Variants in BMPER observed in about 807,000 individuals in gnomAD.
BMPER encodes the protein BMP binding endothelial regulator.
BMPER carries 45 observed loss-of-function variants against 87.3 expected under a neutral mutation model. The ratio of observed to expected loss-of-function variants is 0.52; its 90% CI spans 0.41 to 0.66. The LOEUF (loss-of-function observed/expected upper bound fraction) is 0.66, where lower values mean the gene tolerates loss of function less well. Among genes scored for constraint, BMPER ranks in the 30% least tolerant of loss-of-function variants. The probability of loss-of-function intolerance (pLI) is 0.00; values close to 1 mark genes in which losing one functional copy is unlikely to be tolerated. For synonymous variants in BMPER, 326 were observed against 316.2 expected (o/e 1.03, Z -0.33); for missense variants, 784 against 867.5 (o/e 0.90, Z 1.21).
At chr7:34,047,836 T>TTCCTTCCTTCCTTCC (rs1422905500) in intron 7 of BMPER, among the ~76,000 whole-genome samples, 1 of 149,646 alleles carries the variant, frequency 6.7e-6, no homozygotes. Flanking sequence ...ACTTTCTTGC[T>TTCCTTCCTTCCTTCC]TTCTTTCTCT....
intron 3 of BMPER, among the ~76,000 whole-genome samples, chr7:33,938,033 T>G (rs190111424): frequency 1.7e-4 from 26 of 152,224 alleles, no homozygotes; most frequent in Admixed American, 5.2e-4. Flanking sequence ...GTGCTCAAGG[T>G]GCTCAGCCCT....
At chr7:34,121,000 C>T (rs1474354570) in intron 13 of BMPER, among the ~76,000 whole-genome samples, 3 of 150,450 alleles carry the variant, frequency 2.0e-5, no homozygotes, top group Non-Finnish European at 3.0e-5. Context: ...ATTAGCTATT[C>T]GTAGGTAATA....
At chr7:33,953,413 A>G (rs1785074233) in intron 3 of BMPER, among the ~76,000 whole-genome samples, 2 of 152,318 alleles carry the variant, frequency 1.3e-5, no homozygotes, top group South Asian at 2.1e-4. Flanking sequence ...TGACTCTGCC[A>G]CTTCTAGTTA....
At chr7:34,151,182 T>C (rs1274314469) in intron 14 of BMPER, among the ~76,000 whole-genome samples, 2 of 152,032 alleles carry the variant, frequency 1.3e-5, no homozygotes, top group Admixed American at 1.3e-4. Context: ...AAAGAGGGGG[T>C]AGAGGACAGA....
chr7:34,088,857 T>C (rs753915865), intron 13 of BMPER, among the ~76,000 whole-genome samples: 3 of 152,106 alleles, frequency 2.0e-5, no homozygotes, highest in Middle Eastern at 3.4e-3. Context: ...TTACATAAAC[T>C]CCCCCTGATG....
intron 6 of BMPER, among the ~76,000 whole-genome samples, chr7:34,014,998 G>A (rs951727952): frequency 1.3e-5 from 2 of 151,836 alleles, no homozygotes; most frequent in Non-Finnish European, 2.9e-5. Flanking sequence ...CTTCTAGGGG[G>A]GAGGCTGAAT....
At position 34,153,409 on chromosome 7, in the gene BMPER, T is replaced by A. The variant is rs972913949; in HGVS notation, c.*136T>A. ...CAGAGTATATATGTGTATATATATA[T>A]AGATATATTCAAAAACATTGCATCA... is the stretch of plus-strand genomic sequence containing the variant. On this transcript the variant is annotated 3_prime_UTR_variant, in exon 15 of 15. Transcript: ENST00000649409. 4.9e-6 allele frequency: 4 copies of A among 808,376 alleles called. No homozygotes were observed. In the Admixed American group the frequency reaches 7.4e-5, roughly 15 times the overall value. The allele number at this position is 808,376 out of a possible 1,614,324, so 50.1% of individuals were successfully genotyped here.
chr7:34,001,372 A>G (rs1786575435), intron 6 of BMPER, among the ~76,000 whole-genome samples: 1 of 151,814 alleles, frequency 6.6e-6, no homozygotes, highest in South Asian at 2.1e-4. Context: ...GTCTATTCAG[A>G]TATTTAAAAT....
At chr7:33,991,036 T>A (rs1786198776) in intron 6 of BMPER, among the ~76,000 whole-genome samples, 1 of 145,254 alleles carries the variant, frequency 6.9e-6, no homozygotes, top group Non-Finnish European at 1.5e-5. Context: ...TATTGAGGAT[T>A]TTTGCATCAA....
chr7:34,129,630 G>GAGAAGGAAAGAA (rs1790515320), intron 13 of BMPER, among the ~76,000 whole-genome samples: 1 of 56,272 alleles, frequency 1.8e-5, no homozygotes, highest in Non-Finnish European at 3.5e-5. Context: ...GAGAGAAAGA[G>GAGAAGGAAAGAA]AGAAAGAAAG....
chr7:33,948,361 G>A (rs1344056775), intron 3 of BMPER, among the ~76,000 whole-genome samples: 3 of 152,210 alleles, frequency 2.0e-5, no homozygotes, highest in Non-Finnish European at 4.4e-5. Flanking sequence ...ACCTGAGGTG[G>A]TGGTGATTAC....
At chr7:34,075,213 A>G (rs1469897242) in intron 11 of BMPER, among the ~76,000 whole-genome samples, 2 of 152,044 alleles carry the variant, frequency 1.3e-5, no homozygotes, top group African/African-American at 4.8e-5. Flanking sequence ...TCTCATAGCA[A>G]TCTTATTAAG....
chr7:34,103,359 G>A lies in BMPER; in HGVS notation c.1745+17267G>A, dbSNP rs114891256. 3.6e-3 allele frequency among the ~76,000 whole-genome samples: 554 copies of A among 152,260 alleles called. 4 individuals are homozygous for A. Among genetic ancestry groups the A allele is most frequent in the African/African-American group, 0.012 (515 of 41,540 alleles). On this transcript the variant is annotated intron_variant, in intron 13 of 14. Transcript: ENST00000649409. ...GACCTGTGGCTGTCAAACTTCACCA[G>A]GCATCACATTTATCAGTAGAATCTA... is the stretch of plus-strand genomic sequence containing the variant.
chr7:34,087,802 T>A (rs753026427), intron 13 of BMPER, among the ~76,000 whole-genome samples: 1 of 152,202 alleles, frequency 6.6e-6, no homozygotes, highest in Non-Finnish European at 1.5e-5. Context: ...ACACCTTTGA[T>A]TTTTATCCCA....
At chr7:34,139,528 A>C (rs1481155817) in intron 13 of BMPER, among the ~76,000 whole-genome samples, 1 of 152,228 alleles carries the variant, frequency 6.6e-6, no homozygotes, top group Non-Finnish European at 1.5e-5. Flanking sequence ...TTGGGTTTCT[A>C]TTGTAACAGA....
chr7:33,944,497 T>C (rs2128611466), intron 3 of BMPER, among the ~76,000 whole-genome samples: 1 of 152,334 alleles, frequency 6.6e-6, no homozygotes, highest in East Asian at 1.9e-4. Flanking sequence ...GGAAATATTA[T>C]TGTTATCATA....
chr7:34,135,939 A>G (rs1349706579), intron 13 of BMPER, among the ~76,000 whole-genome samples: 2 of 152,164 alleles, frequency 1.3e-5, no homozygotes, highest in Non-Finnish European at 2.9e-5. Context: ...CCAGAGAAAC[A>G]GGCTGGACTC....
At chr7:34,002,276 T>A (rs988427453) in intron 6 of BMPER, among the ~76,000 whole-genome samples, 1 of 151,816 alleles carries the variant, frequency 6.6e-6, no homozygotes, top group Non-Finnish European at 1.5e-5. Context: ...ATACAATCAT[T>A]CTGTTTTTTA....
At chr7:34,044,241 A>C (rs1457179120) in intron 6 of BMPER, among the ~76,000 whole-genome samples, 2 of 152,252 alleles carry the variant, frequency 1.3e-5, no homozygotes, top group East Asian at 3.8e-4. Context: ...ACTTCAGTAC[A>C]CATAATCTTT....
Sources: allele counts gnomAD v4.1 joint callset (sites outside exome capture counted in the v4.1 genomes callset), GRCh38; gene constraint gnomAD v4.1.1; transcripts MANE v1.5; gene names NCBI Gene and HGNC (gene_info 2026-07-23, HGNC 2026-07-21).